Variants in UBAC2 observed in about 807,000 individuals in gnomAD.
UBAC2 encodes the protein UBA domain containing 2, also known as ubiquitin-associated domain-containing protein 2.
A neutral mutation model predicts 44.0 loss-of-function variants in UBAC2; 26 were observed. The observed-to-expected ratio is 0.59, with a 90% CI of 0.43 to 0.82. The LOEUF (loss-of-function observed/expected upper bound fraction) is 0.82, where lower values mean the gene tolerates loss of function less well. Ranked by LOEUF, UBAC2 falls within the 40% of genes least tolerant of loss-of-function variation. The pLI is 0.00. For missense variants in UBAC2, 329 were observed against 419.4 expected (o/e 0.78, Z 1.88); for synonymous variants, 155 against 154.3 (o/e 1.00, Z -0.04).
At chr13:99,239,124 G>A (rs762683707) in intron 2 of UBAC2, among the ~76,000 whole-genome samples, 23 of 152,178 alleles carry the variant, frequency 1.5e-4, no homozygotes, top group Admixed American at 3.9e-4. Flanking sequence ...GTATATGACT[G>A]CTACCCTTTC....
At chr13:99,382,213 A>G (rs1200939679) in intron 8 of UBAC2, among the ~76,000 whole-genome samples, 4 of 152,264 alleles carry the variant, frequency 2.6e-5, no homozygotes, top group Non-Finnish European at 5.9e-5. Context: ...GATTAACAGT[A>G]GATAACAAAA....
At chr13:99,300,038 GC>G (rs1307090459) in intron 4 of UBAC2, among the ~76,000 whole-genome samples, 1 of 152,184 alleles carries the variant, frequency 6.6e-6, no homozygotes, top group Non-Finnish European at 1.5e-5. Context: ...AGTGGTCTAG[GC>G]TCTAAGGGCC....
chr13:99,295,915 A>G lies in UBAC2; in HGVS notation c.390-18182A>G, dbSNP rs1336347535. On this transcript the variant is annotated intron_variant, in intron 4 of 8. Transcript: ENST00000403766. This position sits in a 1 kb window ranked among gnomAD's most constrained non-coding sequence, Gnocchi z 4.1. ...TAGGCAAAGCGGTGGTAAAAAGTATATCAGAAATCACCAAATTTGTTGAAT... is the reference window on the plus strand; with the variant it reads ...TAGGCAAAGCGGTGGTAAAAAGTATGTCAGAAATCACCAAATTTGTTGAAT... 1.2e-6 allele frequency: 2 copies of G among 1,613,782 alleles called. No individual in the cohort carries two copies. Among genetic ancestry groups the G allele is most frequent in the South Asian group, 2.2e-5 (2 of 91,058 alleles).
intron 4 of UBAC2, among the ~76,000 whole-genome samples, chr13:99,264,858 C>A (rs1161364126): frequency 1.3e-5 from 2 of 152,028 alleles, no homozygotes. Context: ...AAGTCCTCAT[C>A]CCAGGGAGGA....
chr13:99,269,988 G>A (rs562981999), intron 4 of UBAC2, among the ~76,000 whole-genome samples: 2 of 152,296 alleles, frequency 1.3e-5, no homozygotes, highest in South Asian at 2.1e-4. Flanking sequence ...TCATAAAGGC[G>A]TGTGCTGTAG....
intron 7 of UBAC2, chr13:99,356,289 C>T (rs1190548790): frequency 8.3e-6 from 4 of 483,978 alleles, no homozygotes; most frequent in Non-Finnish European, 1.8e-5. Flanking sequence ...CCCTTTTAGC[C>T]CCTGCATGGA....
At chr13:99,316,745 CT>C (rs1417024134) in intron 5 of UBAC2, among the ~76,000 whole-genome samples, 2 of 152,308 alleles carry the variant, frequency 1.3e-5, no homozygotes, top group East Asian at 3.9e-4. Context: ...ATGATACGCT[CT>C]TTTTACTTGC....
At chr13:99,314,310 A>G in intron 5 of UBAC2, 90 bp downstream of exon 5, 1 of 1,423,842 alleles carries the variant, frequency 7.0e-7, no homozygotes, top group East Asian at 2.3e-5. Flanking sequence ...CTCCTTGAAA[A>G]CAATGGTTTT....
chr13:99,228,238 C>G (rs1388731445), intron 1 of UBAC2, among the ~76,000 whole-genome samples: 1 of 152,070 alleles, frequency 6.6e-6, no homozygotes, highest in Non-Finnish European at 1.5e-5. Flanking sequence ...TGGGGGAAGC[C>G]CGGGGTGTTG....
chr13:99,248,144 G>A (rs914242472), intron 4 of UBAC2, among the ~76,000 whole-genome samples: 7 of 152,112 alleles, frequency 4.6e-5, no homozygotes, highest in African/African-American at 7.2e-5. Flanking sequence ...TACAGTGAAC[G>A]TGTATTGTTT....
At chr13:99,332,496 T>C (rs180884243) in intron 6 of UBAC2, among the ~76,000 whole-genome samples, 2 of 152,316 alleles carry the variant, frequency 1.3e-5, no homozygotes, top group East Asian at 3.9e-4. Context: ...GGGTCACAGC[T>C]TCTGCTGTTG....
chr13:99,250,034 T>C (rs1057474622), intron 4 of UBAC2, among the ~76,000 whole-genome samples: 1 of 152,236 alleles, frequency 6.6e-6, no homozygotes, highest in Non-Finnish European at 1.5e-5. Context: ...GTTGATAGTT[T>C]ATTTTGCTGT....
chr13:99,235,422 A>C (rs1399456629), intron 1 of UBAC2, among the ~76,000 whole-genome samples: 1 of 152,194 alleles, frequency 6.6e-6, no homozygotes, highest in Non-Finnish European at 1.5e-5. Flanking sequence ...CAGAAATAGA[A>C]AAAAAAATCC....
intron 4 of UBAC2, among the ~76,000 whole-genome samples, chr13:99,258,925 T>C (rs1195043247): frequency 6.6e-6 from 1 of 152,238 alleles, no homozygotes; most frequent in African/African-American, 2.4e-5. Context: ...AGTAGGATCC[T>C]TGATTAATTG....
intron 4 of UBAC2, among the ~76,000 whole-genome samples, chr13:99,292,272 A>G (rs1006612927): frequency 6.6e-6 from 1 of 151,138 alleles, no homozygotes. Flanking sequence ...AGTAGCTGGG[A>G]CTACAGGCGC....
intron 7 of UBAC2, among the ~76,000 whole-genome samples, chr13:99,355,890 T>A (rs1289221513): frequency 6.6e-6 from 1 of 152,156 alleles, no homozygotes; most frequent in Non-Finnish European, 1.5e-5. Flanking sequence ...CATGGCTCTC[T>A]CCAGAGTCCC....
chr13:99,302,748 G>A (rs1012468280), intron 4 of UBAC2, among the ~76,000 whole-genome samples: 1 of 152,202 alleles, frequency 6.6e-6, no homozygotes, highest in African/African-American at 2.4e-5. Flanking sequence ...AGCATAGTCA[G>A]AGCCTCCTGG....
intron 4 of UBAC2, chr13:99,296,118 T>C (rs770545638): frequency 3.1e-6 from 5 of 1,603,608 alleles, no homozygotes; most frequent in Non-Finnish European, 8.5e-7. Context: ...GAGGGCGGAG[T>C]AAAATTGTTT....
chr13:99,259,157 C>T (rs1032483525), intron 4 of UBAC2, among the ~76,000 whole-genome samples: 3 of 152,122 alleles, frequency 2.0e-5, no homozygotes, highest in Admixed American at 6.5e-5. Flanking sequence ...AGCAACGAAT[C>T]GCTGCCTGCC....
Sources: gnomAD v4.1 joint callset for allele counts (sites outside exome capture counted in the v4.1 genomes callset) on GRCh38, gnomAD v4.1.1 for gene constraint, Gnocchi (gnomAD v3.1) non-coding constraint, MANE v1.5 for transcripts, NCBI Gene and HGNC (gene_info 2026-07-23, HGNC 2026-07-21) for gene names.